The following SAMMSON variants were observed in gnomAD, a reference collection of about 807,000 sequenced individuals.
SAMMSON encodes the protein survival associated mitochondrial melanoma specific oncogenic non-coding RNA.
intron 4 of SAMMSON, among the ~76,000 whole-genome samples, chr3:70,187,140 A>G (rs1156765697): frequency 6.6e-6 from 1 of 152,162 alleles, no homozygotes; most frequent in African/African-American, 2.4e-5. Context: ...AAGAGGATAA[A>G]GAGGATAGAA....
intron 4 of SAMMSON, among the ~76,000 whole-genome samples, chr3:70,240,860 C>T (rs1399169835): frequency 1.3e-5 from 2 of 151,604 alleles, no homozygotes; most frequent in Non-Finnish European, 2.9e-5. Flanking sequence ...TAATATAGGC[C>T]CATAAGATGA....
intron 4 of SAMMSON, among the ~76,000 whole-genome samples, chr3:70,188,158 G>A (rs1177677314): frequency 6.6e-6 from 1 of 152,176 alleles, no homozygotes; most frequent in Non-Finnish European, 1.5e-5. Context: ...CCATCTTACA[G>A]CTCTCTTTAT....
intron 4 of SAMMSON, among the ~76,000 whole-genome samples, chr3:70,189,508 A>C (rs1313968183): frequency 1.3e-5 from 2 of 152,208 alleles, no homozygotes; most frequent in Admixed American, 1.3e-4. Context: ...CTGGAATACA[A>C]TATAGAGTGT....
intron 7 of SAMMSON, among the ~76,000 whole-genome samples, chr3:70,308,494 A>G (rs957699775): frequency 1.3e-5 from 2 of 152,122 alleles, no homozygotes; most frequent in African/African-American, 4.8e-5. Context: ...AATTTTTTGT[A>G]ACAGCTCTGG....
chr3:70,296,174 G>A (rs919469114), intron 7 of SAMMSON, among the ~76,000 whole-genome samples: 1 of 152,032 alleles, frequency 6.6e-6, no homozygotes, highest in Admixed American at 6.6e-5. Context: ...AACATAAAAC[G>A]AATGAGTCTT....
intron 4 of SAMMSON, among the ~76,000 whole-genome samples, chr3:70,227,578 G>T (rs896396129): frequency 2.6e-5 from 4 of 152,214 alleles, no homozygotes; most frequent in Admixed American, 2.6e-4. Context: ...AAAGTGAAAA[G>T]TTGAACATAG....
At chr3:70,128,588 C>G (rs1357140785) in intron 4 of SAMMSON, among the ~76,000 whole-genome samples, 2 of 152,156 alleles carry the variant, frequency 1.3e-5, no homozygotes, top group Non-Finnish European at 2.9e-5. Context: ...GGAGATTTCC[C>G]TATCTATCCT....
At position 70,279,887 on chromosome 3, in the gene SAMMSON, C is replaced by G. The variant is rs1232392771; in HGVS notation, n.675-11292C>G. Among the ~76,000 whole-genome samples, 7 of 152,178 alleles carry G rather than the reference C, an allele frequency of 4.6e-5. No individual in the cohort carries two copies. In the East Asian group the frequency reaches 1.3e-3, roughly 29 times the overall value. On this transcript the variant is annotated intron_variant and non_coding_transcript_variant, in intron 6 of 9. Coordinates refer to ENST00000642114, the Ensembl canonical transcript of SAMMSON. ...GCTGTGTCATATCCTGGTTCTTTGT[C>G]AAATGGTGGCCAGAAGAGAAAGACA...
chr3:70,188,872 C>T (rs6549295), intron 4 of SAMMSON, among the ~76,000 whole-genome samples: 107,054 of 152,122 alleles, frequency 0.7, 38,589 homozygotes, highest in Non-Finnish European at 0.78. Flanking sequence ...TGTTTGTCTG[C>T]AGTCTGCAAC....
intron 6 of SAMMSON, among the ~76,000 whole-genome samples, chr3:70,255,325 G>C (rs1701805698): frequency 6.6e-6 from 1 of 152,158 alleles, no homozygotes; most frequent in African/African-American, 2.4e-5. Flanking sequence ...GTCAGTAAAA[G>C]TGCAGAAATA....
At chr3:70,073,506 G>T (rs772899849) in intron 4 of SAMMSON, among the ~76,000 whole-genome samples, 4 of 152,002 alleles carry the variant, frequency 2.6e-5, no homozygotes, top group Non-Finnish European at 4.4e-5. Context: ...AGAGTATGAA[G>T]TGTGTAGAAT....
intron 9 of SAMMSON, among the ~76,000 whole-genome samples, chr3:70,381,622 C>T (rs1703069622): frequency 6.6e-6 from 1 of 152,034 alleles, no homozygotes; most frequent in South Asian, 2.1e-4. Context: ...ATGAACCAAG[C>T]TAAACCTGAG....
intron 3 of SAMMSON, among the ~76,000 whole-genome samples, chr3:70,070,902 A>G (rs2067226861): frequency 6.6e-6 from 1 of 152,050 alleles, no homozygotes; most frequent in Non-Finnish European, 1.5e-5. Context: ...AATTTTTAGT[A>G]TGTTCCTAAA....
In SAMMSON at chr3:70,125,174, G is replaced by C. The variant is rs1034854864; in HGVS notation, n.507+53609G>C. On this transcript the variant is annotated intron_variant and non_coding_transcript_variant, in intron 4 of 9. Transcript: ENST00000642114. The stretch of plus-strand genomic sequence containing the variant: ...CACATATCCATTAGCTTCCTTTAAG[G>C]CTTTTGCTGCTGCTTTTTCATTAGG... 617 of 1,577,282 alleles carry C rather than the reference G, an allele frequency of 3.9e-4. 4 individuals carry two copies. The highest frequency in any genetic ancestry group is 1.6e-4 in the East Asian group (7 of 44,658).
chr3:70,017,529 A>C (rs2066991339), intron 3 of SAMMSON, among the ~76,000 whole-genome samples: 1 of 152,148 alleles, frequency 6.6e-6, no homozygotes, highest in African/African-American at 2.4e-5. Flanking sequence ...TCATCTGCAA[A>C]CAGGGACAAT....
intron 3 of SAMMSON, among the ~76,000 whole-genome samples, chr3:70,061,520 G>A (rs554319388): frequency 2.6e-5 from 4 of 152,226 alleles, no homozygotes; most frequent in South Asian, 4.1e-4. Context: ...CTGGGTTCTC[G>A]TTTCTGCATG....
chr3:70,214,289 C>T (rs1429188260), intron 4 of SAMMSON, among the ~76,000 whole-genome samples: 2 of 152,054 alleles, frequency 1.3e-5, no homozygotes, highest in East Asian at 1.9e-4. Flanking sequence ...AAGTCACAGT[C>T]GTATAAATCG....
intron 9 of SAMMSON, among the ~76,000 whole-genome samples, chr3:70,371,143 TG>T (rs937981785): frequency 1.3e-5 from 2 of 152,154 alleles, no homozygotes; most frequent in South Asian, 2.1e-4. Context: ...GGTTTATTTC[TG>T]GGTTCTCTAT....
intron 7 of SAMMSON, among the ~76,000 whole-genome samples, chr3:70,292,557 T>C (rs1258000571): frequency 6.6e-6 from 1 of 152,168 alleles, no homozygotes; most frequent in African/African-American, 2.4e-5. Flanking sequence ...GGATAGTTTA[T>C]AAACTTGTAA....
Sources: gnomAD v4.1 joint callset for allele counts (sites outside exome capture counted in the v4.1 genomes callset) on GRCh38, gnomAD v4.1.1 for gene constraint, MANE v1.5 for transcripts, NCBI Gene and HGNC (gene_info 2026-07-23, HGNC 2026-07-21) for gene names.